UBA5: variants seen among roughly 807,000 people sequenced by gnomAD.
UBA5 encodes the protein ubiquitin like modifier activating enzyme 5.
Under a neutral mutation model 52.9 loss-of-function variants are expected in UBA5, and 28 were observed. The ratio of observed to expected loss-of-function variants is 0.53; its 90% CI spans 0.39 to 0.73. The LOEUF is 0.73. UBA5 is among the 30% of genes least tolerant of loss of function. The pLI, the probability that UBA5 is intolerant of heterozygous loss-of-function variation, is 0.00. For missense variants in UBA5, 388 were observed against 492.7 expected (o/e 0.79, Z 2.01); for synonymous variants, 135 against 162.1 (o/e 0.83, Z 1.27).
chr3:132,662,992 A>AT (rs975592059), intron 1 of UBA5, among the ~76,000 whole-genome samples: 40 of 152,308 alleles, frequency 2.6e-4, no homozygotes, highest in African/African-American at 9.4e-4. Context: ...CAGTAAAGGA[A>AT]TTTTTTAAAA....
intron 1 of UBA5, among the ~76,000 whole-genome samples, chr3:132,662,329 C>T (rs143515716): frequency 6.6e-6 from 1 of 152,248 alleles, no homozygotes; most frequent in African/African-American, 2.4e-5. Flanking sequence ...TTTTTGTCTC[C>T]AGTCCTCCTT....
chr3:132,675,943 T>A lies in UBA5; in HGVS notation c.1131+20T>A. 7.1e-7 allele frequency: 1 copy of A among 1,410,734 alleles called. No individual in the cohort carries two copies. The highest frequency in any genetic ancestry group is 9.9e-7 in the Non-Finnish European group (1 of 1,014,096). 87.4% of individuals were successfully genotyped at this position (1,410,734 alleles called of 1,614,324 possible). On this transcript the variant is annotated intron_variant, in intron 11 of 11. Transcript: ENST00000356232. ...AAAAAGGTACTTCAAAAATATGATT[T>A]ACCCATATGTAAATATCATATAAAA... is the stretch of plus-strand genomic sequence containing the variant.
upstream of UBA5, chr3:132,660,224 T>A: frequency 2.0e-6 from 1 of 509,710 alleles, no homozygotes; most frequent in Non-Finnish European, 3.5e-6. This position sits in a 1 kb window ranked among gnomAD's most constrained non-coding sequence, Gnocchi z 4.1. Flanking sequence ...CCTCCTGCCC[T>A]GGACACTTAT....
intron 1 of UBA5, chr3:132,665,590 T>A: frequency 2.0e-6 from 1 of 489,266 alleles, no homozygotes; most frequent in South Asian, 3.1e-5. Context: ...TCAGAATACA[T>A]AGCTTTTAAA....
chr3:132,668,062 A>G (rs749796175), intron 3 of UBA5: 1 of 152,034 alleles, frequency 6.6e-6, no homozygotes, highest in Non-Finnish European at 1.5e-5. Context: ...TGAGAATTGT[A>G]TTAAAGAGTC....
In UBA5 at chr3:132,660,617, T is replaced by C. The variant is rs1307399444; in HGVS notation, c.80T>C (p.Val27Ala). The change falls in exon 1 of 12, where the codon GTC becomes GCC. Residue 27 changes from valine to alanine, a missense_variant. By Grantham distance (64) the Val-to-Ala change is moderately conservative (BLOSUM62 0). This residue lies in a region of UBA5 where 95 missense variants were observed against 107.0 expected (regional missense o/e 0.89). Coordinates refer to ENST00000356232, the MANE Select transcript of UBA5 (RefSeq NM_024818.6). This position sits in a 1 kb window ranked among gnomAD's most constrained non-coding sequence, Gnocchi z 4.1. ...CTTGCCCAGGAGAGGAGTCTGCAGG[T>C]CCCGAGGAGCGGCGACGGAGGGGGC... is the stretch of plus-strand genomic sequence containing the variant. ...RELAQERSLQ[V>A]PRSGDGGGGR... The C allele has an allele frequency of 6.4e-7, 1 of 1,559,886 alleles. No individual in the cohort carries two copies. Among genetic ancestry groups the C allele is most frequent in the Non-Finnish European group, 8.7e-7 (1 of 1,152,374 alleles).
chr3:132,660,949 G>A lies in UBA5; in HGVS notation c.161+251G>A. ...TGTGCCTGCTGAGGACGTGTGTCCA[G>A]TTTCCTATCACCCTTGCCTCTTAAT... On this transcript the variant is annotated intron_variant, in intron 1 of 11. Coordinates refer to ENST00000356232, the MANE Select transcript of UBA5 (RefSeq NM_024818.6). The surrounding 1 kb of genome is among the most constrained non-coding windows in gnomAD (Gnocchi z 4.1). 6.7e-7 allele frequency: 1 copy of A among 1,493,710 alleles called. No homozygotes were observed. The highest frequency in any genetic ancestry group is 8.9e-7 in the Non-Finnish European group (1 of 1,121,934). 92.5% of individuals were successfully genotyped at this position (1,493,710 alleles called of 1,614,324 possible). A position where few individuals can be genotyped will look rare whatever the true frequency, so the allele number is the denominator to read the frequency against.
chr3:132,659,774 A>C (rs1490398742), upstream of UBA5: 1 of 1,572,160 alleles, frequency 6.4e-7, no homozygotes, highest in African/African-American at 1.4e-5. Context: ...AGGCCACAGC[A>C]ACGCGGCATC....
At chr3:132,668,600 AGTG>A in intron 3 of UBA5, 1 of 311,804 alleles carries the variant, frequency 3.2e-6, no homozygotes, top group South Asian at 7.4e-5. Context: ...CCTTTGGACA[AGTG>A]TTGTAGTTGC....
chr3:132,658,016 C>A (rs1293148773), upstream of UBA5, among the ~76,000 whole-genome samples: 1 of 151,974 alleles, frequency 6.6e-6, no homozygotes, highest in Admixed American at 6.5e-5. Flanking sequence ...CACGTGCCAC[C>A]ACGCCCGGCT....
upstream of UBA5, chr3:132,659,509 G>T (rs1938009961): frequency 3.8e-6 from 6 of 1,559,344 alleles, no homozygotes; most frequent in Admixed American, 3.7e-5. Flanking sequence ...AAGCAATCAG[G>T]GTGGGAGAAA....
At chr3:132,663,763 T>C (rs1938264933) in intron 1 of UBA5, among the ~76,000 whole-genome samples, 1 of 152,000 alleles carries the variant, frequency 6.6e-6, no homozygotes, top group Non-Finnish European at 1.5e-5. Flanking sequence ...ACTTCTAACA[T>C]GAAAGAAATA....
chr3:132,659,706 G>A (rs142799108), upstream of UBA5: 41 of 1,610,426 alleles, frequency 2.5e-5, no homozygotes, highest in African/African-American at 4.4e-4. Context: ...TTGTGCTGGG[G>A]CAGCACTTCG....
At position 132,677,782 on chromosome 3, in the gene UBA5, A is replaced by T. The variant is rs1333862161; in HGVS notation, c.*1256A>T. ...AAAGTTCAAAAAACTGATTTCAGAA[A>T]GTCTCAACTACCAAATGTTTTCAAT... is the stretch of plus-strand genomic sequence containing the variant. On this transcript the variant is annotated 3_prime_UTR_variant, in exon 12 of 12. Coordinates refer to ENST00000356232, the MANE Select transcript of UBA5 (RefSeq NM_024818.6). 6.6e-6 allele frequency: 1 copy of T among 152,208 alleles called. No individual in the cohort carries two copies. Among genetic ancestry groups the T allele is most frequent in the African/African-American group, 2.4e-5 (1 of 41,466 alleles). 9.4% of individuals were successfully genotyped at this position (152,208 alleles called of 1,614,324 possible). A position where few individuals can be genotyped will look rare whatever the true frequency, so the allele number is the denominator to read the frequency against.
At chr3:132,670,419 T>G in intron 5 of UBA5, 135 bp downstream of exon 5, 1 of 502,772 alleles carries the variant, frequency 2.0e-6, no homozygotes, top group South Asian at 2.9e-5. Context: ...CAGCAATTTT[T>G]GTGTAATTTT....
At chr3:132,659,570 T>G (rs1938014689), upstream of UBA5, 2 of 1,607,634 alleles carry the variant, frequency 1.2e-6, no homozygotes, top group African/African-American at 2.7e-5. Context: ...GTACAAATTT[T>G]TTTCCGCTGG....
chr3:132,661,614 A>G (rs1938170289), intron 1 of UBA5, among the ~76,000 whole-genome samples: 1 of 152,214 alleles, frequency 6.6e-6, no homozygotes, highest in Non-Finnish European at 1.5e-5. Context: ...GAGAAAATTG[A>G]GGCTTAGAGA....
At position 132,660,556 on chromosome 3, in the gene UBA5, C is replaced by A; in HGVS notation, c.19C>A (p.Arg7Ser). The A allele has an allele frequency of 1.9e-6, 3 of 1,549,492 alleles. No homozygotes were observed. Among genetic ancestry groups the A allele is most frequent in the Non-Finnish European group, 2.6e-6 (3 of 1,147,148 alleles). Residue 7 changes from arginine (R) to serine (S), a missense_variant, in exon 1 of 12, where the codon CGC (arginine) becomes AGC (serine). Around this residue, in one of 3 missense-constraint regions of UBA5, gnomAD observed 95 missense variants for 107.0 expected, o/e 0.89. Transcript: ENST00000356232. This position sits in a 1 kb window ranked among gnomAD's most constrained non-coding sequence, Gnocchi z 4.1. The stretch of plus-strand genomic sequence containing the variant: ...CCCAGCCATGGCGGAGTCTGTGGAG[C>A]GCCTGCAGCAGCGGGTCCAGGAGCT... The part of the protein sequence containing the change: MAESVE[R>S]LQQRVQELER...
chr3:132,666,346 C>G (rs1378807), intron 3 of UBA5, among the ~76,000 whole-genome samples: 62,908 of 151,952 alleles, frequency 0.41, 16,024 homozygotes, highest in East Asian at 0.76. Context: ...ACTTAGGAAA[C>G]AAGGCTGTTA....
Sources: allele counts gnomAD v4.1 joint callset (sites outside exome capture counted in the v4.1 genomes callset), GRCh38; gene constraint gnomAD v4.1.1; regional missense constraint gnomAD v4.1.1; non-coding constraint Gnocchi (gnomAD v3.1); transcripts MANE v1.5; gene names NCBI Gene and HGNC (gene_info 2026-07-23, HGNC 2026-07-21).